Variants in LTA observed in about 807,000 individuals in gnomAD.
LTA encodes lymphotoxin alpha.
Under a neutral mutation model 15.1 loss-of-function variants are expected in LTA, and 6 were observed. The observed-to-expected ratio is 0.40, with a 90% CI of 0.22 to 0.78. The LOEUF is 0.78. LTA is among the 30% of genes least tolerant of loss of function. The probability of loss-of-function intolerance (pLI) is 0.38; values close to 1 mark genes in which losing one functional copy is unlikely to be tolerated. For missense variants in LTA, 173 were observed against 249.5 expected (o/e 0.69, Z 2.06); for synonymous variants, 87 against 107.3 (o/e 0.81, Z 1.17).
chr6:31,573,242 C>A, intron 3 of LTA, 39 bp from the exon 4 acceptor site: 1 of 1,577,636 alleles, frequency 6.3e-7, no homozygotes, highest in Non-Finnish European at 8.6e-7. Flanking sequence ...TGATCCAGAC[C>A]CCTGATCTCC....
chr6:31,572,894 C>G, intron 2 of LTA, 34 bp from the exon 3 acceptor site: 1 of 1,610,158 alleles, frequency 6.2e-7, no homozygotes, highest in Middle Eastern at 1.7e-4. Flanking sequence ...AAACCTTGAG[C>G]CCTAGAGCCC....
chr6:31,564,137 TG>T, the LTA span, among the ~76,000 whole-genome samples: 17 of 152,310 alleles, frequency 1.1e-4, no homozygotes, highest in African/African-American at 4.1e-4. Flanking sequence ...CAAGTGATGC[TG>T]GGGTTTGAGG....
chr6:31,569,869 A>T (rs892093339), upstream of LTA, among the ~76,000 whole-genome samples: 2 of 152,122 alleles, frequency 1.3e-5, no homozygotes, highest in Non-Finnish European at 2.9e-5. Flanking sequence ...CTCATTCCAG[A>T]AGAGGTTCTG....
In LTA at chr6:31,572,935, C is replaced by T. The variant is rs781487122; in HGVS notation, c.107C>T (p.Pro36Leu). Residue 36 changes from proline to leucine, a missense_variant, in exon 3 of 4, where the codon CCT becomes CTT. Transcript: ENST00000418386. ...AACTCTGTTCTCCCCTAGGGGCTCC[C>T]TGGTGTTGGCCTCACACCTTCAGCT... ...LVLLPGAQGLPGVGLTPSAAQ... is the reference protein window; with the variant it reads ...LVLLPGAQGLLGVGLTPSAAQ... 9 of 1,612,556 alleles carry T rather than the reference C, an allele frequency of 5.6e-6. No homozygotes were observed. Among genetic ancestry groups the T allele is most frequent in the South Asian group, 1.1e-5 (1 of 91,062 alleles).
At chr6:31,563,182 T>G in the LTA span, among the ~76,000 whole-genome samples, 18 of 151,912 alleles carry the variant, frequency 1.2e-4, no homozygotes, top group African/African-American at 1.9e-4. Flanking sequence ...AAGGGAGAGA[T>G]AGTGAAAACA....
rs3093544 is a variant in LTA at position 31,574,002 on chromosome 6, A to G, written c.*309A>G. The G allele has an allele frequency of 4.4e-3, 2,482 of 560,580 alleles. 15 individuals are homozygous for G. The highest frequency in any genetic ancestry group is 0.022 in the African/African-American group (1,157 of 53,354). The allele number at this position is 560,580 out of a possible 1,614,324, so 34.7% of individuals were successfully genotyped here. A position where few individuals can be genotyped will look rare whatever the true frequency, so the allele number is the denominator to read the frequency against. On this transcript the variant is annotated 3_prime_UTR_variant, in exon 4 of 4. Coordinates refer to ENST00000418386, the MANE Select transcript of LTA (RefSeq NM_000595.4). The stretch of plus-strand genomic sequence containing the variant: ...GGCCTAGATCCACACACAGAGGAAG[A>G]GCAGGCACATGGAGGAGCTTGGGGG...
the LTA span, among the ~76,000 whole-genome samples, chr6:31,566,531 T>A: frequency 6.0e-5 from 9 of 149,186 alleles, no homozygotes; most frequent in Admixed American, 6.0e-4. Context: ...TCCCAGCTAC[T>A]TGGGAGACTG....
At chr6:31,567,621 T>C (rs1325108606), upstream of LTA, among the ~76,000 whole-genome samples, 42 of 145,654 alleles carry the variant, frequency 2.9e-4, no homozygotes, top group Admixed American at 4.9e-4. Flanking sequence ...TCTCTCTCTC[T>C]CTCCCTCCCC....
At chr6:31,569,794 CAAA>C (rs9279357), upstream of LTA, among the ~76,000 whole-genome samples, 170 of 136,762 alleles carry the variant, frequency 1.2e-3, no homozygotes, top group East Asian at 1.9e-3. Context: ...GAAACTGTCT[CAAA>C]AAAAAAAAAA....
At chr6:31,562,809 G>A in the LTA span, among the ~76,000 whole-genome samples, 6 of 139,196 alleles carry the variant, frequency 4.3e-5, no homozygotes, top group Non-Finnish European at 6.1e-5. Flanking sequence ...GCAGTGAGCC[G>A]AGATCACACC....
upstream of LTA, among the ~76,000 whole-genome samples, chr6:31,570,260 G>T (rs1053240075): frequency 6.6e-6 from 1 of 152,148 alleles, no homozygotes; most frequent in Non-Finnish European, 1.5e-5. Context: ...AGGCAAAGGG[G>T]CAGGTCCTCA....
the LTA span, among the ~76,000 whole-genome samples, chr6:31,566,954 A>G: frequency 6.6e-6 from 1 of 150,774 alleles, no homozygotes; most frequent in African/African-American, 2.4e-5. Flanking sequence ...AAAAAGAAAG[A>G]AAAAAAATCC....
At chr6:31,564,132 G>A in the LTA span, among the ~76,000 whole-genome samples, 20 of 152,200 alleles carry the variant, frequency 1.3e-4, no homozygotes, top group African/African-American at 4.8e-4. Context: ...TCTTCCAAGT[G>A]ATGCTGGGGT....
Position 31,573,396 on chromosome 6 carries a change from C to T in LTA, c.321C>T (p.Tyr107=). Reference sequence around the variant, plus strand: ...TCCTGGTCCCCACCAGTGGCATCTACTTCGTCTACTCCCAGGTGGTCTTCT... The same window carrying T: ...TCCTGGTCCCCACCAGTGGCATCTATTTCGTCTACTCCCAGGTGGTCTTCT... ...NSLLVPTSGI[Y]FVYSQVVFSG... Residue 107 remains tyrosine (Y), a synonymous_variant, in exon 4 of 4, where the codon TAC becomes TAT. Coordinates refer to ENST00000418386, the MANE Select transcript of LTA (RefSeq NM_000595.4). 1.2e-6 allele frequency: 2 copies of T among 1,614,168 alleles called. No individual in the cohort carries two copies. The highest frequency in any genetic ancestry group is 1.1e-5 in the South Asian group (1 of 91,088).
upstream of LTA, among the ~76,000 whole-genome samples, chr6:31,567,918 T>G (rs1770666368): frequency 6.6e-6 from 1 of 152,092 alleles, no homozygotes; most frequent in African/African-American, 2.4e-5. Flanking sequence ...CTGCTCCCTT[T>G]ACCTGAAATG....
upstream of LTA, chr6:31,572,096 C>T (rs1408365772): frequency 6.5e-6 from 1 of 154,656 alleles, no homozygotes; most frequent in Non-Finnish European, 1.5e-5. Flanking sequence ...TTTCCCAGAA[C>T]TCAGTCGCCT....
chr6:31,572,791 C>T lies in LTA; in HGVS notation c.49C>T (p.Leu17=). Residue 17 remains leucine, a synonymous_variant, in exon 2 of 4, where the codon CTA becomes TTA. Coordinates refer to ENST00000418386, the MANE Select transcript of LTA (RefSeq NM_000595.4). ...CCTCCCAAGGGTGTGTGGCACCACC[C>T]TACACCTCCTCCTTCTGGGGCTGCT... ...LFLPRVCGTT[L]HLLLLGLLLV... is the part of the protein sequence containing the mutation. 1.9e-6 allele frequency: 3 copies of T among 1,611,484 alleles called. No homozygotes were observed. The highest frequency in any genetic ancestry group is 1.1e-5 in the South Asian group (1 of 91,076).
chr6:31,562,859 C>CAA, the LTA span, among the ~76,000 whole-genome samples: 4 of 93,456 alleles, frequency 4.3e-5, no homozygotes, highest in South Asian at 3.7e-4. Flanking sequence ...GACTCAGTCT[C>CAA]AAAAAAAAAA....
At chr6:31,567,898 T>C (rs1184001310), upstream of LTA, among the ~76,000 whole-genome samples, 1 of 152,100 alleles carries the variant, frequency 6.6e-6, no homozygotes, top group East Asian at 1.9e-4. Flanking sequence ...CCTTCCAGCC[T>C]TTGCAGTAGC....
Sources: allele counts gnomAD v4.1 joint callset (sites outside exome capture counted in the v4.1 genomes callset), GRCh38; gene constraint gnomAD v4.1.1; transcripts MANE v1.5; gene names NCBI Gene and HGNC (gene_info 2026-07-23, HGNC 2026-07-21).